Variants in MAML2 observed in about 807,000 individuals in gnomAD.
The protein encoded by MAML2 is mastermind like transcriptional coactivator 2, also known as mastermind-like protein 2.
A neutral mutation model predicts 96.1 loss-of-function variants in MAML2; 22 were observed. The observed-to-expected ratio is 0.23, with a 90% CI of 0.16 to 0.33. The LOEUF is 0.33. Ranked by LOEUF, MAML2 falls within the 10% of genes least tolerant of loss-of-function variation. The pLI is 1.00. For synonymous variants in MAML2, 561 were observed against 521.3 expected, an observed-to-expected ratio of 1.08 and a Z score of -1.04; for missense variants, 1,367 against 1,392.4, an observed-to-expected ratio of 0.98 and a Z score of 0.29.
At chr11:96,071,025 G>A (rs577683393) in intron 2 of MAML2, among the ~76,000 whole-genome samples, 2 of 152,380 alleles carry the variant, frequency 1.3e-5, no homozygotes, top group African/African-American at 4.8e-5. Flanking sequence ...GGTGGAAATA[G>A]ATGAGCCTTC....
rs954945514 is a variant in MAML2, at chr11:95,981,386, G to A, written c.2456-1423C>T. ...GTCATCACGAGGAAATATTTTTGGA[G>A]GCAAAGATGATCAGGGAGGCCCAGA... On this transcript the variant is annotated intron_variant, in intron 4 of 4. Coordinates refer to ENST00000524717, the MANE Select transcript of MAML2 (RefSeq NM_032427.4). Among the ~76,000 whole-genome samples, 3 of 152,160 alleles carry A rather than the reference G, an allele frequency of 2.0e-5. No individual in the cohort carries two copies. In the South Asian group the frequency reaches 6.2e-4, roughly 31 times the overall value.
intron 1 of MAML2, among the ~76,000 whole-genome samples, chr11:96,281,928 C>G (rs1166760028): frequency 6.6e-6 from 1 of 151,936 alleles, no homozygotes; most frequent in Non-Finnish European, 1.5e-5. Flanking sequence ...AAACAAACTA[C>G]CATCACAAAT....
chr11:96,228,235 G>A (rs956363148), intron 1 of MAML2, among the ~76,000 whole-genome samples: 9 of 152,132 alleles, frequency 5.9e-5, no homozygotes, highest in Admixed American at 5.2e-4. Flanking sequence ...TTTGCTGCCT[G>A]GCTAACTCCC....
intron 1 of MAML2, among the ~76,000 whole-genome samples, chr11:96,218,806 A>G (rs1039158376): frequency 3.3e-5 from 5 of 152,250 alleles, no homozygotes; most frequent in African/African-American, 9.6e-5. Flanking sequence ...TAAGTTTTTA[A>G]AAGTTATAAG....
chr11:96,122,527 T>TGTGTGCAC (rs1860368337), intron 1 of MAML2, among the ~76,000 whole-genome samples: 1 of 148,900 alleles, frequency 6.7e-6, no homozygotes, highest in African/African-American at 2.5e-5. Flanking sequence ...TGTGTGTGTG[T>TGTGTGCAC]GTGCACGTGC....
intron 1 of MAML2, among the ~76,000 whole-genome samples, chr11:96,228,161 T>C (rs1337838432): frequency 6.6e-6 from 1 of 152,182 alleles, no homozygotes; most frequent in Non-Finnish European, 1.5e-5. Flanking sequence ...AAAGTACTGA[T>C]TGAGTCTATC....
intron 1 of MAML2, among the ~76,000 whole-genome samples, chr11:96,303,787 G>T (rs572082606): frequency 6.6e-6 from 1 of 152,138 alleles, no homozygotes; most frequent in Non-Finnish European, 1.5e-5. Context: ...TACACCTGGC[G>T]CCCACAAAAG....
intron 1 of MAML2, among the ~76,000 whole-genome samples, chr11:96,294,984 TA>T (rs796487174): frequency 6.6e-6 from 1 of 152,272 alleles, no homozygotes; most frequent in African/African-American, 2.4e-5. Context: ...CTTTGGCCAG[TA>T]ACATTGACTT....
At chr11:95,986,959 TG>T (rs1262039566) in intron 3 of MAML2, among the ~76,000 whole-genome samples, 1 of 152,210 alleles carries the variant, frequency 6.6e-6, no homozygotes, top group African/African-American at 2.4e-5. Context: ...GGAACACAGC[TG>T]TTGGCTTTAT....
At chr11:96,144,758 G>A (rs891803464) in intron 1 of MAML2, among the ~76,000 whole-genome samples, 3 of 152,082 alleles carry the variant, frequency 2.0e-5, no homozygotes, top group Non-Finnish European at 2.9e-5. Flanking sequence ...GTTTCATCTC[G>A]GGAAGTTTTA....
At chr11:96,280,442 A>G (rs776995955) in intron 1 of MAML2, among the ~76,000 whole-genome samples, 3 of 152,132 alleles carry the variant, frequency 2.0e-5, no homozygotes, top group African/African-American at 7.2e-5. Flanking sequence ...TGATCTGTAC[A>G]ATGTCAAATT....
intron 4 of MAML2, among the ~76,000 whole-genome samples, chr11:95,980,212 A>G (rs1857716584): frequency 1.3e-5 from 2 of 152,168 alleles, no homozygotes; most frequent in African/African-American, 2.4e-5. Context: ...TCTATCTTGT[A>G]GGTTTTATTT....
intron 1 of MAML2, among the ~76,000 whole-genome samples, chr11:96,262,467 CT>C (rs200340735): frequency 0.21 from 31,700 of 147,756 alleles, 3,803 homozygotes; most frequent in East Asian, 0.4. Flanking sequence ...AAAATTTAAT[CT>C]TTTTTTTTTT....
At chr11:96,069,375 T>C (rs2135786385) in intron 2 of MAML2, among the ~76,000 whole-genome samples, 1 of 152,314 alleles carries the variant, frequency 6.6e-6, no homozygotes, top group South Asian at 2.1e-4. Context: ...TATTTTTTAA[T>C]TAAGATAAAC....
intron 2 of MAML2, among the ~76,000 whole-genome samples, chr11:96,019,942 C>T (rs931548579): frequency 6.6e-6 from 1 of 152,052 alleles, no homozygotes; most frequent in Non-Finnish European, 1.5e-5. Context: ...TTTGGTTGTC[C>T]CTCTGAGTCT....
At chr11:96,249,802 A>G (rs889799474) in intron 1 of MAML2, among the ~76,000 whole-genome samples, 1 of 152,174 alleles carries the variant, frequency 6.6e-6, no homozygotes, top group Non-Finnish European at 1.5e-5. Flanking sequence ...ACATATCTCC[A>G]TACAATGTAG....
At chr11:96,073,351 C>T (rs560578422) in intron 2 of MAML2, among the ~76,000 whole-genome samples, 113 of 145,530 alleles carry the variant, frequency 7.8e-4, no homozygotes, top group Non-Finnish European at 9.7e-4. Context: ...GAGACAGTCT[C>T]GCTGTGTTGC....
chr11:96,033,977 G>C (rs1431308058), intron 2 of MAML2, among the ~76,000 whole-genome samples: 4 of 152,116 alleles, frequency 2.6e-5, no homozygotes, highest in Non-Finnish European at 5.9e-5. Flanking sequence ...ACTTTACAAA[G>C]GGTTTTAAGG....
intron 1 of MAML2, among the ~76,000 whole-genome samples, chr11:96,254,072 T>C (rs1206264323): frequency 6.6e-6 from 1 of 152,202 alleles, no homozygotes; most frequent in Non-Finnish European, 1.5e-5. Context: ...CTGGGAGAAT[T>C]TTGACAGGTC....
Sources: gnomAD v4.1 joint callset for allele counts (sites outside exome capture counted in the v4.1 genomes callset) on GRCh38, gnomAD v4.1.1 for gene constraint, MANE v1.5 for transcripts, NCBI Gene and HGNC (gene_info 2026-07-23, HGNC 2026-07-21) for gene names.